The following MTUS2 variants were observed in gnomAD, a reference collection of about 807,000 sequenced individuals.
MTUS2 encodes the protein microtubule-associated tumor suppressor candidate 2.
A neutral mutation model predicts 114.1 loss-of-function variants in MTUS2; 40 were observed. The observed-to-expected ratio is 0.35, with a 90% CI of 0.27 to 0.46. The LOEUF (loss-of-function observed/expected upper bound fraction) is 0.46, where lower values mean the gene tolerates loss of function less well. MTUS2 is among the 20% of genes least tolerant of loss of function. MTUS2 has a pLI of 1.00. For synonymous variants in MTUS2, 688 were observed against 672.0 expected, an observed-to-expected ratio of 1.02 and a Z score of -0.37; for missense variants, 1,679 against 1,705.4, an observed-to-expected ratio of 0.98 and a Z score of 0.27.
At chr13:29,464,217 G>T (rs2138807292) in intron 9 of MTUS2, among the ~76,000 whole-genome samples, 1 of 152,332 alleles carries the variant, frequency 6.6e-6, no homozygotes, top group Non-Finnish European at 1.5e-5. Context: ...AGAGCAGAAA[G>T]GGATCACTCT....
chr13:29,065,974 G>T (rs1888648549), intron 4 of MTUS2, among the ~76,000 whole-genome samples: 1 of 151,804 alleles, frequency 6.6e-6, no homozygotes, highest in Non-Finnish European at 1.5e-5. Flanking sequence ...CCTCCCTTGA[G>T]CCTGTTTGTG....
At chr13:28,954,011 A>T (rs1882938269) in intron 2 of MTUS2, among the ~76,000 whole-genome samples, 2 of 152,236 alleles carry the variant, frequency 1.3e-5, no homozygotes, top group Non-Finnish European at 2.9e-5. Context: ...AACAGAATGG[A>T]GACTCCAGAA....
chr13:29,302,753 A>G (rs1899262265), intron 6 of MTUS2, among the ~76,000 whole-genome samples: 1 of 152,234 alleles, frequency 6.6e-6, no homozygotes, highest in South Asian at 2.1e-4. Flanking sequence ...CAGGCGGTCC[A>G]GATGAGGAAG....
chr13:29,343,206 T>TCTC (rs1901489272), intron 7 of MTUS2, among the ~76,000 whole-genome samples: 2 of 116,838 alleles, frequency 1.7e-5, no homozygotes, highest in South Asian at 5.9e-4. Flanking sequence ...CTCTTTGTCT[T>TCTC]TTGAATTAGT....
chr13:29,232,310 A>G lies in MTUS2; in HGVS notation c.2645-49394A>G, dbSNP rs868157988. On this transcript the variant is annotated intron_variant, in intron 5 of 15. Coordinates refer to ENST00000612955, the MANE Select transcript of MTUS2 (RefSeq NM_001033602.4). ...CACACACACACACGCGCGCGCGCAC[A>G]CACACACACACACGCACACATACAC... is the stretch of plus-strand genomic sequence containing the variant. Among the ~76,000 whole-genome samples, 49 of 147,872 alleles carry G rather than the reference A, an allele frequency of 3.3e-4. 1 individual carries two copies. The highest frequency in any genetic ancestry group is 4.0e-4 in the Admixed American group (6 of 14,936).
chr13:29,320,985 A>C (rs1233440204), intron 6 of MTUS2, among the ~76,000 whole-genome samples: 1 of 152,204 alleles, frequency 6.6e-6, no homozygotes, highest in Non-Finnish European at 1.5e-5. Flanking sequence ...AAAATATAGG[A>C]CAGAGAATAG....
chr13:29,272,654 G>A (rs924101275), intron 5 of MTUS2, among the ~76,000 whole-genome samples: 4 of 152,126 alleles, frequency 2.6e-5, no homozygotes, highest in African/African-American at 9.7e-5. Flanking sequence ...TCATTACTTT[G>A]TAGGGGGATA....
chr13:29,389,397 A>ATATG (rs1566172827), intron 8 of MTUS2, among the ~76,000 whole-genome samples: 312 of 22,518 alleles, frequency 0.014, 64 homozygotes, highest in African/African-American at 0.042. Context: ...ACGTGTGTGT[A>ATATG]TATATGTATA....
intron 2 of MTUS2, among the ~76,000 whole-genome samples, chr13:28,983,763 A>T (rs138849477): frequency 1.2e-4 from 18 of 152,352 alleles, no homozygotes; most frequent in African/African-American, 4.3e-4. Flanking sequence ...ACATCTGCTC[A>T]AGTTTGAGAG....
At chr13:28,876,685 AC>A (rs1377214209) in intron 2 of MTUS2, among the ~76,000 whole-genome samples, 1 of 152,144 alleles carries the variant, frequency 6.6e-6, no homozygotes, top group African/African-American at 2.4e-5. Flanking sequence ...ATATGGAATT[AC>A]CCTTGGATCG....
chr13:28,829,041 A>G (rs9506051), intron 1 of MTUS2, among the ~76,000 whole-genome samples: 78,983 of 152,068 alleles, frequency 0.52, 21,276 homozygotes, highest in African/African-American at 0.59. Flanking sequence ...GCACAATAAC[A>G]ATGAAAGCAC....
At chr13:29,144,428 G>T (rs1402349539) in intron 5 of MTUS2, among the ~76,000 whole-genome samples, 8 of 151,690 alleles carry the variant, frequency 5.3e-5, no homozygotes, top group African/African-American at 1.9e-4. Context: ...CAGTGGTGCA[G>T]TCGTGGCTCA....
chr13:29,154,924 A>G (rs1200908864), intron 5 of MTUS2, among the ~76,000 whole-genome samples: 1 of 152,208 alleles, frequency 6.6e-6, no homozygotes, highest in Non-Finnish European at 1.5e-5. Flanking sequence ...ACACAGACAT[A>G]AGTCACAGTA....
At chr13:29,039,396 G>A (rs562672389) in intron 4 of MTUS2, among the ~76,000 whole-genome samples, 10 of 152,308 alleles carry the variant, frequency 6.6e-5, no homozygotes, top group African/African-American at 1.9e-4. Flanking sequence ...ATCGCGCGCC[G>A]GGCACCCTCT....
intron 8 of MTUS2, among the ~76,000 whole-genome samples, chr13:29,382,766 C>T (rs4319604): frequency 0.11 from 17,474 of 152,182 alleles, 1,071 homozygotes; most frequent in Middle Eastern, 0.2. Context: ...CTTTCCTTTA[C>T]GGAATTGGCC....
intron 5 of MTUS2, among the ~76,000 whole-genome samples, chr13:29,139,129 C>T (rs1892109952): frequency 6.6e-6 from 1 of 151,694 alleles, no homozygotes; most frequent in African/African-American, 2.4e-5. Flanking sequence ...ATCTCAGGCA[C>T]TTATGCATGT....
chr13:29,428,954 G>A, intron 8 of MTUS2: 2 of 1,581,318 alleles, frequency 1.3e-6, no homozygotes, highest in Non-Finnish European at 1.7e-6. Flanking sequence ...CAGAGAGAAA[G>A]CCGTGAGCCA....
In MTUS2 at chr13:29,338,456, G is replaced by A. The variant is rs910633089; in HGVS notation, c.2905+13745G>A. 7.2e-5 allele frequency among the ~76,000 whole-genome samples: 11 copies of A among 152,050 alleles called. No individual in the cohort carries two copies. In the South Asian group the frequency reaches 8.3e-4, roughly 11 times the overall value. ...CAAAAAAAAATTAGCTGGGCGTGGCGGCGTGAGCCTGTAATCCCAGTTAAT... is the reference window on the plus strand; with the variant it reads ...CAAAAAAAAATTAGCTGGGCGTGGCAGCGTGAGCCTGTAATCCCAGTTAAT... On this transcript the variant is annotated intron_variant, in intron 7 of 15. Transcript: ENST00000612955.
chr13:28,973,997 G>T (rs1883973782), intron 2 of MTUS2, among the ~76,000 whole-genome samples: 1 of 152,186 alleles, frequency 6.6e-6, no homozygotes, highest in Non-Finnish European at 1.5e-5. Flanking sequence ...GGTGTAACAT[G>T]TTTGCACATT....
Sources: allele counts gnomAD v4.1 joint callset (sites outside exome capture counted in the v4.1 genomes callset), GRCh38; gene constraint gnomAD v4.1.1; transcripts MANE v1.5; gene names NCBI Gene and HGNC (gene_info 2026-07-23, HGNC 2026-07-21).